ZZEF1: variants seen among roughly 807,000 people sequenced by gnomAD.
The protein encoded by ZZEF1 is zinc finger ZZ-type and EF-hand domain containing 1.
Under a neutral mutation model 342.8 loss-of-function variants are expected in ZZEF1, and 157 were observed. That is an observed-to-expected ratio of 0.46 (90% CI 0.40 to 0.52). ZZEF1 has a LOEUF of 0.52. ZZEF1 is among the 20% of genes least tolerant of loss of function. The probability of loss-of-function intolerance (pLI) is 0.00; values close to 1 mark genes in which losing one functional copy is unlikely to be tolerated. For synonymous variants in ZZEF1, 1,505 were observed against 1,429.1 expected (o/e 1.05, Z -1.20); for missense variants, 3,480 against 3,725.6 (o/e 0.93, Z 1.72).
chr17:4,038,080 T>C (rs1167418887), intron 39 of ZZEF1, among the ~76,000 whole-genome samples: 2 of 152,226 alleles, frequency 1.3e-5, no homozygotes, highest in Non-Finnish European at 2.9e-5. Flanking sequence ...TAATATGGCA[T>C]GAACTTGGCA....
At position 4,142,813 on chromosome 17, in the gene ZZEF1, G is replaced by A. The variant is rs563727364; in HGVS notation, c.83C>T (p.Ala28Val). 6.5e-5 allele frequency: 91 copies of A among 1,409,414 alleles called. No homozygotes were observed. In the African/African-American group the frequency reaches 9.8e-4, roughly 15 times the overall value. 87.3% of individuals were successfully genotyped at this position (1,409,414 alleles called of 1,614,324 possible). ...GEGWGPHQDW[A>V]AVSGTTPGPG... is the part of the protein sequence containing the mutation. The stretch of plus-strand genomic sequence containing the variant: ...GCCGGGGGTCGTGCCCGAGACCGCG[G>A]CCCAGTCCTGGTGTGGGCCCCAGCC... Residue 28 changes from alanine (A) to valine (V), a missense_variant, in exon 1 of 55, where the codon GCC (alanine) becomes GTC (valine). Around this residue, in one of 5 missense-constraint regions of ZZEF1, gnomAD observed 416 missense variants for 374.2 expected, o/e 1.11. Coordinates refer to ENST00000381638, the MANE Select transcript of ZZEF1 (RefSeq NM_015113.4).
chr17:4,102,963 T>C (rs1342967348), intron 8 of ZZEF1, among the ~76,000 whole-genome samples: 1 of 152,100 alleles, frequency 6.6e-6, no homozygotes, highest in Non-Finnish European at 1.5e-5. Context: ...CCTTTTGTTT[T>C]AATAATAGAA....
chr17:4,009,034 T>C, intron 53 of ZZEF1, 80 bp from the exon 54 acceptor site: 1 of 1,486,218 alleles, frequency 6.7e-7, no homozygotes, highest in Non-Finnish European at 9.0e-7. Flanking sequence ...GGACACCTGC[T>C]TGCGAAAGCA....
intron 52 of ZZEF1, among the ~76,000 whole-genome samples, chr17:4,012,197 G>A (rs1356203156): frequency 6.6e-6 from 1 of 152,202 alleles, no homozygotes; most frequent in African/African-American, 2.4e-5. Flanking sequence ...ACCAGACTGT[G>A]CTTACTGGAC....
chr17:4,021,874 G>A (rs1307526964), intron 44 of ZZEF1, among the ~76,000 whole-genome samples: 1 of 151,058 alleles, frequency 6.6e-6, no homozygotes, highest in Non-Finnish European at 1.5e-5. Context: ...AACAAAACGA[G>A]AAGGAGAAAA....
chr17:4,128,627 T>C (rs1477310619), intron 1 of ZZEF1, among the ~76,000 whole-genome samples: 1 of 151,160 alleles, frequency 6.6e-6, no homozygotes. Flanking sequence ...ACCTGGCTAA[T>C]TTTTTGCACT....
intron 9 of ZZEF1, among the ~76,000 whole-genome samples, chr17:4,097,364 C>T (rs2058054089): frequency 6.6e-6 from 1 of 151,616 alleles, no homozygotes; most frequent in South Asian, 2.1e-4. Context: ...CACCTACAAC[C>T]ATGGCTGATG....
rs770430659 is a variant in ZZEF1 at position 4,058,119 on chromosome 17, G to C, written c.5040C>G (p.Ala1680=). The C allele has an allele frequency of 2.1e-5, 34 of 1,613,820 alleles. No individual in the cohort carries two copies. The highest frequency in any genetic ancestry group is 2.7e-5 in the Non-Finnish European group (32 of 1,179,918). Residue 1680 remains alanine, a synonymous_variant, in exon 32 of 55, where the codon GCC becomes GCG. Coordinates refer to ENST00000381638, the MANE Select transcript of ZZEF1 (RefSeq NM_015113.4). The part of the protein sequence containing the change: ...LLPALSCVQT[A]LLHLLDMGWE... ...AGCCCATATCCAAAAGATGAAGCAG[G>C]GCTGTCTGAACACAGGATAAGGCAG...
At chr17:4,114,806 T>C (rs2058368411) in intron 3 of ZZEF1, among the ~76,000 whole-genome samples, 1 of 152,226 alleles carries the variant, frequency 6.6e-6, no homozygotes, top group Admixed American at 6.5e-5. Context: ...TGCAAAACCA[T>C]GCCGAGAAGA....
intron 43 of ZZEF1, among the ~76,000 whole-genome samples, chr17:4,023,677 A>AAAAAC (rs1385038970): frequency 6.6e-6 from 1 of 151,276 alleles, no homozygotes; most frequent in Non-Finnish European, 1.5e-5. Context: ...AAAAAAAAAA[A>AAAAAC]ATTAACTGGG....
chr17:4,014,030 C>T lies in ZZEF1; in HGVS notation c.8413+60G>A. The T allele has an allele frequency of 6.7e-7, 1 of 1,481,812 alleles. No individual in the cohort carries two copies. The allele number at this position is 1,481,812 out of a possible 1,614,324, so 91.8% of individuals were successfully genotyped here. ...CCAAGATCAGTGACATCATGGCACCCACAGCCATGGAGTGTCCCTGGCAGG... is the reference window on the plus strand; with the variant it reads ...CCAAGATCAGTGACATCATGGCACCTACAGCCATGGAGTGTCCCTGGCAGG... On this transcript the variant is annotated intron_variant, in intron 51 of 54. Transcript: ENST00000381638. This position sits in a 1 kb window ranked among gnomAD's most constrained non-coding sequence, Gnocchi z 4.4.
At chr17:4,031,621 C>G (rs760595926) in intron 42 of ZZEF1, among the ~76,000 whole-genome samples, 1 of 152,124 alleles carries the variant, frequency 6.6e-6, no homozygotes, top group Non-Finnish European at 1.5e-5. Context: ...GATGGCTTCA[C>G]GAGCAGAACT....
intron 10 of ZZEF1, 123 bp from the exon 11 acceptor site, chr17:4,096,102 C>T: frequency 1.9e-6 from 2 of 1,069,332 alleles, no homozygotes; most frequent in South Asian, 2.0e-5. Context: ...ATATTTCAAA[C>T]ATATTAAGCC....
At chr17:4,051,150 G>A in intron 35 of ZZEF1, 107 bp from the exon 36 acceptor site, 1 of 1,454,514 alleles carries the variant, frequency 6.9e-7, no homozygotes, top group Non-Finnish European at 9.6e-7. Context: ...CTGGGCATTA[G>A]TCACCTCTAG....
rs779585888 is a variant in ZZEF1 at position 4,006,956 on chromosome 17, A to G, written c.8820T>C (p.Ile2940=). The change falls in exon 55 of 55, where the codon ATT becomes ATC. Residue 2940 remains isoleucine (I), a synonymous_variant. Coordinates refer to ENST00000381638, the MANE Select transcript of ZZEF1 (RefSeq NM_015113.4). ...AGTTGATGGCCAGGCTGATGGCAGCAATGTTCTGCAGAGCCTGTAGAGGGA... is the reference window on the plus strand; with the variant it reads ...AGTTGATGGCCAGGCTGATGGCAGCGATGTTCTGCAGAGCCTGTAGAGGGA... ...LRCAAQALQN[I]AAISLAINYP... The G allele has an allele frequency of 1.3e-6, 2 of 1,583,262 alleles. No homozygotes were observed. The highest frequency in any genetic ancestry group is 1.2e-5 in the South Asian group (1 of 86,782).
chr17:4,016,711 A>G lies in ZZEF1; in HGVS notation c.8002-245T>C, dbSNP rs116857088. ...TACTTAGAGGTGGTCTGAAAGAACT[A>G]ACTGAACCAATCATAAAGGGTCCTG... On this transcript the variant is annotated intron_variant, in intron 48 of 54. Transcript: ENST00000381638. The surrounding 1 kb of genome is among the most constrained non-coding windows in gnomAD (Gnocchi z 4.4). 670 of 443,610 alleles carry G rather than the reference A, an allele frequency of 1.5e-3. 13 individuals are homozygous for G. The East Asian group carries it at 0.024, about 16-fold the overall frequency. The allele number at this position is 443,610 out of a possible 1,614,324, so 27.5% of individuals were successfully genotyped here.
chr17:4,095,887 C>G lies in ZZEF1; in HGVS notation c.1857G>C (p.Arg619Ser), dbSNP rs746751934. Residue 619 changes from arginine to serine, a missense_variant, in exon 11 of 55, where the codon AGG becomes AGC. Coordinates refer to ENST00000381638, the MANE Select transcript of ZZEF1 (RefSeq NM_015113.4). The part of the protein sequence containing the change: ...DKFCAEEHFK[R>S]FEKYDKWKLQ... ...GCTTCCATTTGTCATATTTTTCAAA[C>G]CTTTTGAAGTGTTCTTCCGCACAAA... 16 of 1,613,422 alleles carry G rather than the reference C, an allele frequency of 9.9e-6. No individual in the cohort carries two copies. Among genetic ancestry groups the G allele is most frequent in the African/African-American group, 1.3e-5 (1 of 74,880 alleles).
chr17:4,076,015 C>T (rs899544519), intron 21 of ZZEF1: 7 of 152,250 alleles, frequency 4.6e-5, no homozygotes, highest in African/African-American at 1.7e-4. Context: ...TGTAATTTGC[C>T]TTTCAACATA....
chr17:4,061,683 T>C (rs1485035348), intron 30 of ZZEF1, among the ~76,000 whole-genome samples: 1 of 152,154 alleles, frequency 6.6e-6, no homozygotes, highest in Non-Finnish European at 1.5e-5. Flanking sequence ...CACCAGCTGT[T>C]CACTCCCAAA....
Sources: allele counts gnomAD v4.1 joint callset (sites outside exome capture counted in the v4.1 genomes callset), GRCh38; gene constraint gnomAD v4.1.1; regional missense constraint gnomAD v4.1.1; non-coding constraint Gnocchi (gnomAD v3.1); transcripts MANE v1.5; gene names NCBI Gene and HGNC (gene_info 2026-07-23, HGNC 2026-07-21).